Variants in LVRN observed in about 807,000 individuals in gnomAD.
LVRN encodes the protein laeverin, also known as aminopeptidase Q.
Under a neutral mutation model 111.4 loss-of-function variants are expected in LVRN, and 99 were observed. The observed-to-expected ratio is 0.89, with a 90% confidence interval of 0.76 to 1.05. LVRN has a LOEUF of 1.05. Among genes scored for constraint, LVRN ranks in the 50% least tolerant of loss-of-function variants. The probability of loss-of-function intolerance (pLI) is 0.00; values close to 1 mark genes in which losing one functional copy is unlikely to be tolerated. For missense variants in LVRN, 1,414 were observed against 1,206.8 expected, an observed-to-expected ratio of 1.17 and a Z score of -2.54; for synonymous variants, 488 against 449.5, an observed-to-expected ratio of 1.09 and a Z score of -1.08.
intron 18 of LVRN, chr5:116,021,616 A>G: frequency 3.1e-6 from 1 of 323,618 alleles, no homozygotes; most frequent in Non-Finnish European, 6.1e-6. Context: ...TTTTTGAAGT[A>G]AATCAATTGT....
intron 15 of LVRN, among the ~76,000 whole-genome samples, chr5:116,013,753 A>C (rs1202432531): frequency 2.0e-5 from 3 of 152,126 alleles, no homozygotes; most frequent in African/African-American, 4.8e-5. Context: ...CTGACCGCAA[A>C]TCTGGAGTAG....
chr5:115,985,740 AC>A (rs1747843580), intron 3 of LVRN, among the ~76,000 whole-genome samples: 1 of 152,192 alleles, frequency 6.6e-6, no homozygotes, highest in Non-Finnish European at 1.5e-5. Context: ...GCTGGTTTTC[AC>A]CCAATTACCC....
intron 15 of LVRN, 46 bp from the exon 16 acceptor site, chr5:116,014,374 G>T: frequency 7.7e-7 from 1 of 1,305,972 alleles, no homozygotes. Flanking sequence ...AGAAAATGAA[G>T]GTGGTAATGC....
chr5:116,016,707 A>G (rs573199936), intron 18 of LVRN, among the ~76,000 whole-genome samples: 1 of 152,318 alleles, frequency 6.6e-6, no homozygotes, highest in South Asian at 2.1e-4. Flanking sequence ...ATACAGTTTG[A>G]CTACATAGCG....
chr5:116,017,438 C>T (rs903917133), intron 18 of LVRN, among the ~76,000 whole-genome samples: 15 of 152,164 alleles, frequency 9.9e-5, no homozygotes, highest in African/African-American at 2.2e-4. Flanking sequence ...ATTCTAGAAT[C>T]GGGGCATGGG....
intron 2 of LVRN, among the ~76,000 whole-genome samples, chr5:115,983,968 C>T (rs1483518300): frequency 6.6e-6 from 1 of 152,174 alleles, no homozygotes; most frequent in Non-Finnish European, 1.5e-5. Flanking sequence ...CCACAATTGT[C>T]ATCTAAAGGC....
intron 15 of LVRN, among the ~76,000 whole-genome samples, 160 bp from the exon 16 acceptor site, chr5:116,014,260 A>T (rs1418846419): frequency 1.3e-5 from 2 of 152,250 alleles, no homozygotes; most frequent in African/African-American, 4.8e-5. Flanking sequence ...AATCTTAAAT[A>T]CATCTGTCAT....
At chr5:115,964,564 A>AG (rs1036581199) in intron 1 of LVRN, among the ~76,000 whole-genome samples, 2 of 151,184 alleles carry the variant, frequency 1.3e-5, no homozygotes, top group African/African-American at 4.9e-5. Context: ...AATATTTCAG[A>AG]GGAAAAAATA....
At chr5:115,988,296 C>T (rs144588174) in intron 4 of LVRN, among the ~76,000 whole-genome samples, 8 of 151,536 alleles carry the variant, frequency 5.3e-5, no homozygotes, top group South Asian at 2.1e-4. Flanking sequence ...CTTTAGCTAG[C>T]GGGCTTTCAG....
intron 12 of LVRN, among the ~76,000 whole-genome samples, chr5:116,004,410 A>G (rs1748312816): frequency 6.6e-6 from 1 of 152,162 alleles, no homozygotes. Flanking sequence ...TTTAGACTCC[A>G]TTTACAAAAC....
rs1395071353 is a variant in LVRN at position 115,966,908 on chromosome 5, A to G, written c.695+3596A>G. 6.6e-5 allele frequency among the ~76,000 whole-genome samples: 10 copies of G among 152,108 alleles called. No homozygotes were observed. The South Asian group carries it at 1.9e-3, about 28-fold the overall frequency. ...TCTCCAATGACTAATGATGTTAAAC[A>G]TTTTTTTGTGTGCTTATTTGCCATC... On this transcript the variant is annotated intron_variant, in intron 1 of 19. Coordinates refer to ENST00000357872, the MANE Select transcript of LVRN (RefSeq NM_173800.5).
chr5:116,000,379 C>T (rs922513923), intron 7 of LVRN, 54 bp from the exon 8 acceptor site: 2 of 1,577,588 alleles, frequency 1.3e-6, no homozygotes, highest in Admixed American at 3.3e-5. Context: ...TGGAATGTGT[C>T]AGTATGTGGA....
intron 1 of LVRN, among the ~76,000 whole-genome samples, chr5:115,972,373 T>C (rs911772851): frequency 6.6e-6 from 1 of 151,884 alleles, no homozygotes; most frequent in Non-Finnish European, 1.5e-5. Flanking sequence ...TTGTTAATGA[T>C]ATTTTTAGAA....
chr5:116,024,593 A>G (rs1427367910), intron 19 of LVRN, among the ~76,000 whole-genome samples: 1 of 152,098 alleles, frequency 6.6e-6, no homozygotes, highest in Non-Finnish European at 1.5e-5. Flanking sequence ...GCGAATCAAG[A>G]CTCAGTGTGT....
chr5:115,999,822 A>C lies in LVRN; in HGVS notation c.1435A>C (p.Thr479Pro). ...NILREDHALV[T>P]RAVAMKVENF... The stretch of plus-strand genomic sequence containing the variant: ...CCTCAGAGAAGATCACGCCCTGGTG[A>C]CTAGAGCTGTGGCCATGAAGGTGGA... Residue 479 changes from threonine (T) to proline (P), a missense_variant, in exon 7 of 20, where the codon ACT (threonine) becomes CCT (proline). Thr to Pro is a conservative substitution (Grantham distance 38). Transcript: ENST00000357872. 1 of 1,613,472 alleles carries C rather than the reference A, an allele frequency of 6.2e-7. No homozygotes were observed. Among genetic ancestry groups the C allele is most frequent in the Non-Finnish European group, 8.5e-7 (1 of 1,179,502 alleles).
At chr5:115,986,125 A>G (rs1372103810) in intron 3 of LVRN, among the ~76,000 whole-genome samples, 1 of 152,372 alleles carries the variant, frequency 6.6e-6, no homozygotes, top group South Asian at 2.1e-4. Flanking sequence ...ATACCGTTTT[A>G]GATGCAAATG....
At chr5:115,999,712 T>G (rs116195667) in intron 6 of LVRN, 50 bp from the exon 7 acceptor site, 1 of 1,586,888 alleles carries the variant, frequency 6.3e-7, no homozygotes, top group South Asian at 1.1e-5. Flanking sequence ...AGAATTTTGG[T>G]CTTCTGTGAC....
intron 3 of LVRN, among the ~76,000 whole-genome samples, chr5:115,985,302 G>T (rs1175412413): frequency 6.6e-6 from 1 of 152,092 alleles, no homozygotes; most frequent in Non-Finnish European, 1.5e-5. Context: ...CTAGTTTGTT[G>T]GTTTGGAATG....
At chr5:115,996,803 G>A (rs1748123096) in intron 6 of LVRN, among the ~76,000 whole-genome samples, 1 of 152,114 alleles carries the variant, frequency 6.6e-6, no homozygotes, top group South Asian at 2.1e-4. Flanking sequence ...GTACATATGG[G>A]CACTGCAGCC....
Sources: allele counts gnomAD v4.1 joint callset (sites outside exome capture counted in the v4.1 genomes callset), GRCh38; gene constraint gnomAD v4.1.1; transcripts MANE v1.5; gene names NCBI Gene and HGNC (gene_info 2026-07-23, HGNC 2026-07-21).